The following KANSL1L variants were observed in gnomAD, a reference collection of about 807,000 sequenced individuals.
The protein encoded by KANSL1L is KAT8 regulatory NSL complex subunit 1 like.
KANSL1L carries 25 observed loss-of-function variants against 108.6 expected under a neutral mutation model. That is an observed-to-expected ratio of 0.23 (90% confidence interval 0.17 to 0.32). The LOEUF is 0.32. Ranked by LOEUF, KANSL1L falls within the 10% of genes least tolerant of loss-of-function variation. The probability of loss-of-function intolerance (pLI) is 1.00; values close to 1 mark genes in which losing one functional copy is unlikely to be tolerated. For synonymous variants in KANSL1L, 405 were observed against 395.1 expected, an observed-to-expected ratio of 1.03 and a Z score of -0.30; for missense variants, 1,137 against 1,125.7, an observed-to-expected ratio of 1.01 and a Z score of -0.14.
intron 8 of KANSL1L, 182 bp downstream of exon 8, chr2:210,040,238 C>T: frequency 2.0e-6 from 1 of 504,182 alleles, no homozygotes; most frequent in Non-Finnish European, 3.5e-6. Flanking sequence ...ATAGGTATCG[C>T]ACATTTCATG....
At chr2:210,032,035 G>A (rs913312645) in intron 8 of KANSL1L, 5 of 152,434 alleles carry the variant, frequency 3.3e-5, no homozygotes, top group Admixed American at 6.5e-5. Flanking sequence ...GTTTATTCCT[G>A]TAGTAGTAAG....
At chr2:210,162,088 T>C (rs1388446444) in intron 1 of KANSL1L, among the ~76,000 whole-genome samples, 53 of 148,102 alleles carry the variant, frequency 3.6e-4, no homozygotes, top group East Asian at 7.8e-4. Flanking sequence ...TATATATATA[T>C]ACACACACAC....
chr2:210,168,355 T>C (rs1217619016), intron 1 of KANSL1L, among the ~76,000 whole-genome samples: 1 of 152,050 alleles, frequency 6.6e-6, no homozygotes, highest in Non-Finnish European at 1.5e-5. Context: ...ATTATCTGAA[T>C]ACATGAAAAA....
At chr2:210,071,848 A>G (rs557279393) in intron 6 of KANSL1L, among the ~76,000 whole-genome samples, 71 of 152,228 alleles carry the variant, frequency 4.7e-4, no homozygotes, top group African/African-American at 9.6e-4. Flanking sequence ...TTGCTTTTCA[A>G]TATTTTAAAT....
At chr2:210,087,558 T>C (rs878872173) in intron 5 of KANSL1L, among the ~76,000 whole-genome samples, 5 of 152,190 alleles carry the variant, frequency 3.3e-5, no homozygotes, top group Admixed American at 2.0e-4. Flanking sequence ...ATGCTGAGTA[T>C]GGGCAAGAAA....
At chr2:210,063,050 C>T (rs573930649) in intron 6 of KANSL1L, among the ~76,000 whole-genome samples, 1 of 152,166 alleles carries the variant, frequency 6.6e-6, no homozygotes, top group Non-Finnish European at 1.5e-5. Flanking sequence ...GTGGGCTGGG[C>T]CCAGGGTCGC....
At chr2:210,024,810 G>A (rs2125113105) in intron 13 of KANSL1L, among the ~76,000 whole-genome samples, 1 of 152,208 alleles carries the variant, frequency 6.6e-6, no homozygotes, top group Admixed American at 6.5e-5. Flanking sequence ...AAAGTAGATT[G>A]AAATGACCTA....
chr2:210,049,513 T>C (rs999193085), intron 6 of KANSL1L, among the ~76,000 whole-genome samples: 2 of 151,884 alleles, frequency 1.3e-5, no homozygotes, highest in African/African-American at 2.4e-5. Flanking sequence ...CTTTAAAAAA[T>C]TGTTTCAGGG....
chr2:210,055,305 G>A (rs935730779), intron 6 of KANSL1L, among the ~76,000 whole-genome samples: 3 of 152,162 alleles, frequency 2.0e-5, no homozygotes, highest in African/African-American at 7.2e-5. Context: ...CTTTATAAAA[G>A]ACCCAGTCTT....
intron 6 of KANSL1L, chr2:210,064,009 G>T (rs1022784754): frequency 6.6e-6 from 1 of 152,206 alleles, no homozygotes; most frequent in Non-Finnish European, 1.5e-5. Flanking sequence ...GGGAGGGATC[G>T]GTGGGAGGTA....
At chr2:210,111,367 T>TA (rs1194513381) in intron 3 of KANSL1L, among the ~76,000 whole-genome samples, 1 of 152,114 alleles carries the variant, frequency 6.6e-6, no homozygotes, top group Non-Finnish European at 1.5e-5. Flanking sequence ...AGCATTATGC[T>TA]AAGTGAAAGA....
intron 6 of KANSL1L, among the ~76,000 whole-genome samples, chr2:210,052,001 C>CTTTTTT (rs546815241): frequency 7.4e-6 from 1 of 134,402 alleles, no homozygotes; most frequent in Non-Finnish European, 1.6e-5. Flanking sequence ...TTCTTCTTTC[C>CTTTTTT]TTTTTTTTTT....
At chr2:210,105,927 T>C (rs916315969) in intron 3 of KANSL1L, among the ~76,000 whole-genome samples, 1 of 152,134 alleles carries the variant, frequency 6.6e-6, no homozygotes, top group East Asian at 1.9e-4. Flanking sequence ...ATAATAGATA[T>C]GGTATCATTA....
intron 1 of KANSL1L, among the ~76,000 whole-genome samples, chr2:210,159,071 C>G (rs992538954): frequency 2.0e-5 from 3 of 152,258 alleles, no homozygotes; most frequent in African/African-American, 7.2e-5. Context: ...CAACAAATAA[C>G]CTGGTGAGAA....
chr2:210,161,753 G>A (rs112003732), intron 1 of KANSL1L, among the ~76,000 whole-genome samples: 3 of 152,098 alleles, frequency 2.0e-5, no homozygotes, highest in African/African-American at 7.2e-5. Context: ...TAGTGGTTTT[G>A]ACCATGACAT....
At chr2:210,062,996 C>T (rs1436794923) in intron 6 of KANSL1L, among the ~76,000 whole-genome samples, 2 of 152,112 alleles carry the variant, frequency 1.3e-5, no homozygotes, top group South Asian at 4.1e-4. Flanking sequence ...CATAGCAGCC[C>T]CTCCCATCAC....
At chr2:210,079,311 A>T (rs1001396746) in intron 5 of KANSL1L, among the ~76,000 whole-genome samples, 8 of 152,026 alleles carry the variant, frequency 5.3e-5, no homozygotes, top group Non-Finnish European at 1.0e-4. Context: ...AAATATAATT[A>T]TCGGCTGGGC....
intron 1 of KANSL1L, among the ~76,000 whole-genome samples, chr2:210,169,383 G>C (rs1688192662): frequency 6.6e-6 from 1 of 152,132 alleles, no homozygotes; most frequent in Non-Finnish European, 1.5e-5. Context: ...AAAGAATAAT[G>C]ATATGCGAAT....
intron 2 of KANSL1L, among the ~76,000 whole-genome samples, chr2:210,145,943 G>C (rs554724002): frequency 6.6e-6 from 1 of 152,124 alleles, no homozygotes; most frequent in South Asian, 2.1e-4. Flanking sequence ...CTCATGTCAG[G>C]ATTGGGAGGG....
Sources: allele counts gnomAD v4.1 joint callset (sites outside exome capture counted in the v4.1 genomes callset), GRCh38; gene constraint gnomAD v4.1.1; transcripts MANE v1.5; gene names NCBI Gene and HGNC (gene_info 2026-07-23, HGNC 2026-07-21).